The following PLCH1 variants were observed in gnomAD, a reference collection of about 807,000 sequenced individuals.
PLCH1 encodes the protein 1-phosphatidylinositol 4,5-bisphosphate phosphodiesterase eta-1.
Under a neutral mutation model 126.7 loss-of-function variants are expected in PLCH1, and 60 were observed. The observed-to-expected ratio is 0.47, with a 90% CI of 0.38 to 0.59. The LOEUF (loss-of-function observed/expected upper bound fraction) is 0.59. Among genes scored for constraint, PLCH1 ranks in the 20% least tolerant of loss-of-function variants. The probability of loss-of-function intolerance (pLI) is 0.00; values close to 1 mark genes in which losing one functional copy is unlikely to be tolerated. For missense variants in PLCH1, 1,723 were observed against 2,040.0 expected (o/e 0.84, Z 2.99); for synonymous variants, 719 against 734.9 (o/e 0.98, Z 0.35).
At chr3:155,533,709 C>G (rs1160387075) in intron 10 of PLCH1, among the ~76,000 whole-genome samples, 1 of 152,232 alleles carries the variant, frequency 6.6e-6, no homozygotes, top group Non-Finnish European at 1.5e-5. Context: ...CCTCCCATCA[C>G]AGACCCAGAG....
At chr3:155,623,704 C>T (rs1249923392) in intron 2 of PLCH1, among the ~76,000 whole-genome samples, 1 of 152,062 alleles carries the variant, frequency 6.6e-6, no homozygotes. Flanking sequence ...AAGACTAAAC[C>T]AGGAAGAAGG....
intron 6 of PLCH1, 106 bp downstream of exon 6, chr3:155,583,366 A>G: frequency 1.1e-6 from 1 of 871,472 alleles, no homozygotes; most frequent in Non-Finnish European, 1.8e-6. Context: ...AGTGATATTT[A>G]CCACCTTTGC....
intron 21 of PLCH1, among the ~76,000 whole-genome samples, chr3:155,458,355 A>AG (rs1487753001): frequency 2.9e-5 from 4 of 139,526 alleles, no homozygotes; most frequent in African/African-American, 1.1e-4. Context: ...AAAAAAAAAA[A>AG]AAAGAAAGAA....
intron 10 of PLCH1, among the ~76,000 whole-genome samples, chr3:155,536,429 G>A (rs1723362468): frequency 6.6e-6 from 1 of 152,052 alleles, no homozygotes; most frequent in African/African-American, 2.4e-5. Flanking sequence ...CAAAAGTAAT[G>A]CAGACTATGG....
chr3:155,620,351 G>A (rs1223306987), intron 2 of PLCH1, among the ~76,000 whole-genome samples: 1 of 152,162 alleles, frequency 6.6e-6, no homozygotes, highest in Non-Finnish European at 1.5e-5. Context: ...TTCCTGAGCA[G>A]CACCAGGTAG....
chr3:155,543,974 C>T (rs374940002), intron 10 of PLCH1, among the ~76,000 whole-genome samples: 1 of 151,930 alleles, frequency 6.6e-6, no homozygotes, highest in African/African-American at 2.4e-5. Context: ...GAAGAAACTG[C>T]ATCAACTAAC....
chr3:155,578,756 C>A (rs773346668), intron 6 of PLCH1, among the ~76,000 whole-genome samples: 1 of 152,260 alleles, frequency 6.6e-6, no homozygotes, highest in African/African-American at 2.4e-5. Context: ...GTTTAGTACA[C>A]GGTATCCTAA....
chr3:155,488,204 CTT>C (rs58693862), intron 20 of PLCH1, 97 bp from the exon 21 acceptor site: 63 of 581,862 alleles, frequency 1.1e-4, no homozygotes, highest in Middle Eastern at 5.7e-4. Flanking sequence ...GACTGTAGTT[CTT>C]TTTTTTTTTG....
At position 155,483,058 on chromosome 3, in the gene PLCH1, G is replaced by A; in HGVS notation, c.2975-7C>T. The stretch of plus-strand genomic sequence containing the variant: ...CTGCCATCTTTATCTTCTGCTGAAG[G>A]AGACAAACAATATTTTAGGTGACAT... On this transcript the variant is annotated splice_polypyrimidine_tract_variant and splice_region_variant and intron_variant, in intron 22 of 22. Transcript: ENST00000460012. The A allele has an allele frequency of 6.2e-7, 1 of 1,609,136 alleles. No individual in the cohort carries two copies. Among genetic ancestry groups the A allele is most frequent in the Non-Finnish European group, 8.5e-7 (1 of 1,177,564 alleles).
intron 21 of PLCH1, among the ~76,000 whole-genome samples, 154 bp downstream of exon 21, chr3:155,487,874 G>T (rs1300255804): frequency 2.0e-5 from 3 of 152,206 alleles, no homozygotes; most frequent in Non-Finnish European, 4.4e-5. Flanking sequence ...ATCAGGACAT[G>T]ACTGGAATAG....
downstream of PLCH1, among the ~76,000 whole-genome samples, chr3:155,477,793 T>C (rs1447559343): frequency 6.6e-6 from 1 of 152,152 alleles, no homozygotes; most frequent in African/African-American, 2.4e-5. Flanking sequence ...TGTACACTGT[T>C]GGTGGGAATA....
chr3:155,671,325 C>G (rs1015987365), intron 2 of PLCH1, among the ~76,000 whole-genome samples: 1 of 152,102 alleles, frequency 6.6e-6, no homozygotes, highest in Admixed American at 6.5e-5. Context: ...TGAATTTGAT[C>G]CCAACATTTG....
chr3:155,644,008 C>T (rs1279206628), intron 2 of PLCH1, among the ~76,000 whole-genome samples: 1 of 152,148 alleles, frequency 6.6e-6, no homozygotes, highest in African/African-American at 2.4e-5. Context: ...AGAAAAGCAA[C>T]TTGAGGTCAC....
chr3:155,452,850 A>G (rs1375722388), intron 21 of PLCH1, among the ~76,000 whole-genome samples: 1 of 152,192 alleles, frequency 6.6e-6, no homozygotes, highest in Non-Finnish European at 1.5e-5. Context: ...ATCTCCTATA[A>G]TACAAGGCTG....
At chr3:155,489,027 C>T (rs1715755720) in intron 19 of PLCH1, among the ~76,000 whole-genome samples, 1 of 152,220 alleles carries the variant, frequency 6.6e-6, no homozygotes, top group Admixed American at 6.5e-5. Context: ...TAAATTATCA[C>T]ATCAAATCTA....
chr3:155,742,833 GATTTC>G (rs1749725841), intron 1 of PLCH1: 1 of 154,594 alleles, frequency 6.5e-6, no homozygotes, highest in Non-Finnish European at 1.4e-5. Context: ...TGGTATGTTT[GATTTC>G]ATTTGCTGAT....
chr3:155,565,680 CTTTAT>C (rs1234449921), intron 7 of PLCH1, among the ~76,000 whole-genome samples: 1 of 145,930 alleles, frequency 6.9e-6, no homozygotes, highest in Non-Finnish European at 1.5e-5. Flanking sequence ...TTCTTTCCTT[CTTTAT>C]TTTATTTTAT....
intron 2 of PLCH1, among the ~76,000 whole-genome samples, chr3:155,625,309 A>G (rs1004462579): frequency 1.3e-5 from 2 of 152,222 alleles, no homozygotes; most frequent in Admixed American, 6.5e-5. Flanking sequence ...AACCTAGGCA[A>G]TAACATCCAG....
chr3:155,503,257 T>A (rs1718165139), intron 13 of PLCH1, among the ~76,000 whole-genome samples: 2 of 152,204 alleles, frequency 1.3e-5, no homozygotes, highest in South Asian at 4.1e-4. Flanking sequence ...TAATAACTAT[T>A]CTGATGTCTA....
Sources: gnomAD v4.1 joint callset for allele counts (sites outside exome capture counted in the v4.1 genomes callset) on GRCh38, gnomAD v4.1.1 for gene constraint, MANE v1.5 for transcripts, NCBI Gene and HGNC (gene_info 2026-07-23, HGNC 2026-07-21) for gene names.